The following ATRNL1 variants were observed in gnomAD, a reference collection of about 807,000 sequenced individuals.
ATRNL1 encodes attractin like 1, also known as attractin-like protein 1.
Under a neutral mutation model 182.7 loss-of-function variants are expected in ATRNL1, and 95 were observed. The ratio of observed to expected loss-of-function variants is 0.52; its 90% CI spans 0.44 to 0.62. The LOEUF is 0.62. ATRNL1 is among the 20% of genes least tolerant of loss of function. ATRNL1 has a pLI of 0.00. For synonymous variants in ATRNL1, 576 were observed against 568.3 expected (o/e 1.01, Z -0.19); for missense variants, 1,471 against 1,679.5 (o/e 0.88, Z 2.17).
intron 24 of ATRNL1, among the ~76,000 whole-genome samples, chr10:115,484,119 CTT>C (rs5788104): frequency 2.7e-5 from 4 of 148,108 alleles, no homozygotes; most frequent in Admixed American, 6.8e-5. Flanking sequence ...TTCTGATTAT[CTT>C]TTTTTTTTTC....
At chr10:115,713,700 TC>T (rs1437304673) in intron 26 of ATRNL1, among the ~76,000 whole-genome samples, 37,122 of 130,472 alleles carry the variant, frequency 0.28, 5,387 homozygotes, top group East Asian at 0.45. Flanking sequence ...TATCTATCTA[TC>T]TATCATCTAT....
intron 27 of ATRNL1, among the ~76,000 whole-genome samples, chr10:115,792,606 G>C (rs1484354293): frequency 1.3e-5 from 2 of 151,998 alleles, no homozygotes; most frequent in Middle Eastern, 3.2e-3. Context: ...CATTTTACCA[G>C]AAACAAAAGT....
Position 115,931,860 on chromosome 10 carries a change from A to G in ATRNL1, c.4019-12798A>G, listed in dbSNP as rs72832856. 3.1e-3 allele frequency among the ~76,000 whole-genome samples: 469 copies of G among 152,300 alleles called. 2 individuals carry two copies. The highest frequency in any genetic ancestry group is 5.2e-3 in the Non-Finnish European group (353 of 68,018). ...ACACACGTCAAATGATCTAGGAAAC[A>G]TGTCGGCAGGGATTGTGGAACCGGT... On this transcript the variant is annotated intron_variant, in intron 28 of 28. Transcript: ENST00000355044.
chr10:115,374,381 T>C (rs115719694), intron 19 of ATRNL1, among the ~76,000 whole-genome samples: 1,936 of 151,714 alleles, frequency 0.013, 36 homozygotes, highest in African/African-American at 0.043. Context: ...TTATTATTTC[T>C]GCCTCCCTTC....
chr10:115,233,987 A>T (rs1592298668), intron 9 of ATRNL1, among the ~76,000 whole-genome samples: 1 of 151,984 alleles, frequency 6.6e-6, no homozygotes, highest in South Asian at 2.1e-4. Context: ...TCGGGCTTTT[A>T]AAATGAGTTG....
At chr10:115,610,212 G>A (rs1555018596) in intron 26 of ATRNL1, among the ~76,000 whole-genome samples, 1 of 152,104 alleles carries the variant, frequency 6.6e-6, no homozygotes. Context: ...CAAACCCAGG[G>A]TGTCACTGTT....
intron 21 of ATRNL1, 77 bp from the exon 22 acceptor site, chr10:115,461,864 A>G (rs1424374453): frequency 1.2e-6 from 1 of 808,008 alleles, no homozygotes; most frequent in Non-Finnish European, 2.0e-6. Flanking sequence ...AGTGTACAAT[A>G]TATTGTAACC....
At chr10:115,351,302 G>A (rs556481252) in intron 19 of ATRNL1, among the ~76,000 whole-genome samples, 7 of 152,178 alleles carry the variant, frequency 4.6e-5, no homozygotes, top group Admixed American at 2.6e-4. Context: ...AGTGGTGAAA[G>A]TGGGCGTCTT....
intron 26 of ATRNL1, among the ~76,000 whole-genome samples, chr10:115,568,580 T>G (rs1304618446): frequency 1.3e-5 from 2 of 152,018 alleles, no homozygotes; most frequent in Non-Finnish European, 2.9e-5. Flanking sequence ...CTCAGCAAGT[T>G]CTTAATGCTT....
In ATRNL1 at chr10:115,738,154, T is replaced by TTTTTTTTTTTTTTTTTTTTTTTTTTTC. The variant is rs71010046; in HGVS notation, c.3903+10801_3903+10802insTTTTTTTTTTTTTTTTTTTTTTTTCTT. The stretch of plus-strand genomic sequence containing the variant: ...TTTTTTTTTTTTTTTTTTTTTTTTT[T>TTTTTTTTTTTTTTTTTTTTTTTTTTTC]TTGAGATGGAGTCCTGCTCTGTCGC... On this transcript the variant is annotated intron_variant, in intron 27 of 28. Coordinates refer to ENST00000355044, the MANE Select transcript of ATRNL1 (RefSeq NM_207303.4). Among the ~76,000 whole-genome samples the TTTTTTTTTTTTTTTTTTTTTTTTTTTC allele has an allele frequency of 4.2e-4, 27 of 63,910 alleles. 6 individuals carry two copies. Among genetic ancestry groups the TTTTTTTTTTTTTTTTTTTTTTTTTTTC allele is most frequent in the Admixed American group, 1.9e-3 (7 of 3,694 alleles). The allele number at this position is 63,910 out of a possible 152,430, so 41.9% of individuals were successfully genotyped here.
At chr10:115,279,440 T>C (rs1339718844) in intron 13 of ATRNL1, among the ~76,000 whole-genome samples, 1 of 152,126 alleles carries the variant, frequency 6.6e-6, no homozygotes, top group African/African-American at 2.4e-5. Context: ...TGAATTTCTA[T>C]CATGTCGGAC....
chr10:115,798,880 G>A (rs1353493332), intron 27 of ATRNL1, among the ~76,000 whole-genome samples: 5 of 143,640 alleles, frequency 3.5e-5, no homozygotes, highest in African/African-American at 1.3e-4. Context: ...AAGCTGGAGT[G>A]CAGTGGCGCG....
At chr10:115,707,968 C>T (rs1200934569) in intron 26 of ATRNL1, among the ~76,000 whole-genome samples, 3 of 151,640 alleles carry the variant, frequency 2.0e-5, no homozygotes, top group African/African-American at 7.2e-5. Context: ...TGCCAAAGTG[C>T]TTCATTAATT....
intron 1 of ATRNL1, among the ~76,000 whole-genome samples, chr10:115,113,536 A>G (rs911104888): frequency 1.3e-5 from 2 of 152,134 alleles, no homozygotes; most frequent in African/African-American, 2.4e-5. Flanking sequence ...AGTCTTTCCC[A>G]TGCTGTTCTC....
intron 25 of ATRNL1, among the ~76,000 whole-genome samples, chr10:115,537,415 C>A (rs1488230655): frequency 1.3e-5 from 2 of 152,180 alleles, no homozygotes; most frequent in Non-Finnish European, 2.9e-5. Flanking sequence ...TTATAGGTAT[C>A]ACTATTTAAC....
intron 8 of ATRNL1, among the ~76,000 whole-genome samples, chr10:115,172,895 T>C (rs1406452581): frequency 3.3e-5 from 5 of 150,966 alleles, no homozygotes; most frequent in African/African-American, 1.2e-4. Context: ...TTATAATTAC[T>C]CATGTCAAGT....
intron 26 of ATRNL1, among the ~76,000 whole-genome samples, chr10:115,693,027 AC>A (rs1946442139): frequency 6.6e-6 from 1 of 152,102 alleles, no homozygotes; most frequent in African/African-American, 2.4e-5. Context: ...CTGATATTTG[AC>A]ATATTTATGT....
chr10:115,444,331 A>G (rs970316700), intron 21 of ATRNL1, among the ~76,000 whole-genome samples: 7 of 151,968 alleles, frequency 4.6e-5, no homozygotes, highest in Admixed American at 2.0e-4. Flanking sequence ...TTTTTGGTGC[A>G]GGGATAGGCA....
intron 24 of ATRNL1, among the ~76,000 whole-genome samples, chr10:115,503,425 T>C (rs1208318829): frequency 6.6e-6 from 1 of 151,878 alleles, no homozygotes; most frequent in Admixed American, 6.6e-5. Flanking sequence ...GAGCTGAAAA[T>C]GTGTTGAAGG....
Sources: allele counts gnomAD v4.1 joint callset (sites outside exome capture counted in the v4.1 genomes callset), GRCh38; gene constraint gnomAD v4.1.1; transcripts MANE v1.5; gene names NCBI Gene and HGNC (gene_info 2026-07-23, HGNC 2026-07-21).